Variants in MAT1A observed in about 807,000 individuals in gnomAD.
MAT1A encodes methionine adenosyltransferase 1A, also known as S-adenosylmethionine synthase isoform type-1.
MAT1A carries 19 observed loss-of-function variants against 44.0 expected under a neutral mutation model. The ratio of observed to expected loss-of-function variants is 0.43; its 90% CI spans 0.30 to 0.63. MAT1A has a LOEUF of 0.63. Among genes scored for constraint, MAT1A ranks in the 30% least tolerant of loss-of-function variants. The probability of loss-of-function intolerance (pLI) is 0.12; values close to 1 mark genes in which losing one functional copy is unlikely to be tolerated. For missense variants in MAT1A, 397 were observed against 531.0 expected (o/e 0.75, Z 2.48); for synonymous variants, 205 against 205.6 (o/e 1.00, Z 0.03).
At chr10:80,274,992 A>C (rs1426290880) in intron 7 of MAT1A, 25 bp downstream of exon 7, 3 of 1,549,318 alleles carry the variant, frequency 1.9e-6, no homozygotes, top group Non-Finnish European at 2.6e-6. Flanking sequence ...CTGCAACAGG[A>C]CGGTGGTGGG....
Position 80,280,706 on chromosome 10 carries a change from C to T in MAT1A, c.379G>A (p.Glu127Lys). 1 of 1,614,202 alleles carries T rather than the reference C, an allele frequency of 6.2e-7. No individual in the cohort carries two copies. The highest frequency in any genetic ancestry group is 8.5e-7 in the Non-Finnish European group (1 of 1,180,010). The change falls in exon 4 of 9, where the codon GAG becomes AAG. Residue 127 changes from glutamate (E) to lysine (K), a missense_variant. Transcript: ENST00000372213. Reference sequence around the variant, plus strand: ...TGATCTCCTGCCCCCACATCCTCCTCATTTCTGTCCAGATGGACGCACTGG... The same window carrying T: ...TGATCTCCTGCCCCCACATCCTCCTTATTTCTGTCCAGATGGACGCACTGG... ...IAQCVHLDRN[E>K]EDVGAGDQGL...
At chr10:80,285,941 T>G in intron 1 of MAT1A, among the ~76,000 whole-genome samples, 1 of 151,836 alleles carries the variant, frequency 6.6e-6, no homozygotes, top group South Asian at 2.1e-4. Flanking sequence ...TCCTCCCACC[T>G]CAGCCTCCCA....
intron 6 of MAT1A, 27 bp from the exon 7 acceptor site, chr10:80,275,226 G>C (rs368726859): frequency 1.9e-6 from 3 of 1,599,536 alleles, no homozygotes; most frequent in Non-Finnish European, 1.7e-6. Flanking sequence ...ATCAAGATAA[G>C]AAGCAGAGCC....
intron 1 of MAT1A, among the ~76,000 whole-genome samples, chr10:80,286,655 A>C (rs1841655197): frequency 6.6e-6 from 1 of 152,248 alleles, no homozygotes; most frequent in Non-Finnish European, 1.5e-5. Context: ...TGGTGCTTGT[A>C]GGAAAATCTA....
chr10:80,275,268 T>C, intron 6 of MAT1A, 69 bp from the exon 7 acceptor site: 1 of 1,383,360 alleles, frequency 7.2e-7, no homozygotes. Context: ...GCTGAAGTAC[T>C]GTGATGGCAG....
chr10:80,274,382 T>C, intron 8 of MAT1A, 138 bp downstream of exon 8: 1 of 1,242,290 alleles, frequency 8.0e-7, no homozygotes, highest in Non-Finnish European at 1.2e-6. Context: ...GGATGCACTG[T>C]GCTGTACCAA....
At chr10:80,286,121 G>T (rs1001424347) in intron 1 of MAT1A, among the ~76,000 whole-genome samples, 2 of 152,040 alleles carry the variant, frequency 1.3e-5, no homozygotes, top group East Asian at 3.9e-4. Context: ...TAGCCACTGC[G>T]CCCGGTCAAA....
At chr10:80,276,645 C>A (rs768433696) in intron 5 of MAT1A, 51 bp from the exon 6 acceptor site, 1 of 1,578,884 alleles carries the variant, frequency 6.3e-7, no homozygotes, top group Non-Finnish European at 8.6e-7. Flanking sequence ...GCTGAGCGAA[C>A]GGCACATCGT....
Position 80,273,904 on chromosome 10 carries a change from A to G in MAT1A, c.1086-21T>C, listed in dbSNP as rs756826993. 4.6e-6 allele frequency: 7 copies of G among 1,521,792 alleles called. 1 individual carries two copies. The South Asian group carries it at 6.7e-5, about 15-fold the overall frequency. The allele number at this position is 1,521,792 out of a possible 1,614,324, so 94.3% of individuals were successfully genotyped here. A position where few individuals can be genotyped will look rare whatever the true frequency, so the allele number is the denominator to read the frequency against. ...AATCCCTGCATGTCCAGCAGAAAGG[A>G]AGGGCATTGGAAGATGGAACAGGAG... On this transcript the variant is annotated intron_variant, in intron 8 of 8. Transcript: ENST00000372213.
intron 2 of MAT1A, 102 bp from the exon 3 acceptor site, chr10:80,284,140 G>A: frequency 6.8e-7 from 1 of 1,470,070 alleles, no homozygotes; most frequent in Non-Finnish European, 9.3e-7. Context: ...AGACACAGGA[G>A]GGGCCTTACG....
At chr10:80,285,698 C>G in intron 1 of MAT1A, 109 bp from the exon 2 acceptor site, 4 of 760,180 alleles carry the variant, frequency 5.3e-6, no homozygotes, top group Middle Eastern at 2.3e-4. Flanking sequence ...AACTTATCTA[C>G]CAGAGGGAAA....
chr10:80,285,401 G>T, intron 2 of MAT1A, 111 bp downstream of exon 2: 1 of 854,968 alleles, frequency 1.2e-6, no homozygotes, highest in Non-Finnish European at 2.0e-6. Flanking sequence ...GCAGAGCAGA[G>T]GACATGGATT....
chr10:80,277,278 C>G (rs1298866927), intron 5 of MAT1A, among the ~76,000 whole-genome samples: 1 of 152,168 alleles, frequency 6.6e-6, no homozygotes, highest in African/African-American at 2.4e-5. Flanking sequence ...TGGGACTGCT[C>G]CCATCCCAGG....
chr10:80,287,348 G>A (rs1321217702), intron 1 of MAT1A, among the ~76,000 whole-genome samples: 1 of 152,174 alleles, frequency 6.6e-6, no homozygotes, highest in Non-Finnish European at 1.5e-5. Flanking sequence ...GCTTAAGATA[G>A]CCAATAGTTG....
At chr10:80,277,793 G>C (rs1841511582) in intron 5 of MAT1A, among the ~76,000 whole-genome samples, 1 of 152,190 alleles carries the variant, frequency 6.6e-6, no homozygotes, top group Non-Finnish European at 1.5e-5. Flanking sequence ...CAGAGCAAAG[G>C]GCCCTGAACA....
chr10:80,285,530 T>C lies in MAT1A; in HGVS notation c.151A>G (p.Asn51Asp), dbSNP rs1187145745. The change falls in exon 2 of 9, where the codon AAT (asparagine) becomes GAT (aspartate). Residue 51 changes from asparagine to aspartate, a missense_variant. Transcript: ENST00000372213. ...TTCTTACCACAGGCCACCTTGGCAT[T>C]GGGGTCTTGCTTGAGATGGGCATCC... ...VLDAHLKQDPNAKVACETVCK... is the reference protein window; with the variant it reads ...VLDAHLKQDPDAKVACETVCK... 1 of 1,614,014 alleles carries C rather than the reference T, an allele frequency of 6.2e-7. No individual in the cohort carries two copies. The highest frequency in any genetic ancestry group is 8.5e-7 in the Non-Finnish European group (1 of 1,180,004).
At position 80,283,821 on chromosome 10, in the gene MAT1A, C is replaced by A. The variant is rs1344683903; in HGVS notation, c.292+95G>T. 4 of 1,575,858 alleles carry A rather than the reference C, an allele frequency of 2.5e-6. No individual in the cohort carries two copies. The African/African-American group carries it at 5.4e-5, about 21-fold the overall frequency. ...TGTTTTCCTCCTGGTAGTATTGATG[C>A]TCCCATCGGGCTGAAAGGCACGGGT... On this transcript the variant is annotated intron_variant, in intron 3 of 8. Transcript: ENST00000372213.
At chr10:80,287,356 T>C (rs570581442) in intron 1 of MAT1A, among the ~76,000 whole-genome samples, 1 of 152,374 alleles carries the variant, frequency 6.6e-6, no homozygotes, top group East Asian at 1.9e-4. Context: ...TAGCCAATAG[T>C]TGTTTTTTTG....
rs1841501844 is a variant in MAT1A, at chr10:80,277,231, G to T, written c.550-637C>A. Among the ~76,000 whole-genome samples the T allele has an allele frequency of 2.6e-5, 4 of 152,326 alleles. No homozygotes were observed. In the South Asian group the frequency reaches 8.3e-4, roughly 32 times the overall value. ...GTGGTGCCCGCAGGGGTGCAGCTCTGCCAGATGGCCCTGGGAGGGACACTG... is the reference window on the plus strand; with the variant it reads ...GTGGTGCCCGCAGGGGTGCAGCTCTTCCAGATGGCCCTGGGAGGGACACTG... On this transcript the variant is annotated intron_variant, in intron 5 of 8. Transcript: ENST00000372213.
Sources: allele counts gnomAD v4.1 joint callset (sites outside exome capture counted in the v4.1 genomes callset), GRCh38; gene constraint gnomAD v4.1.1; transcripts MANE v1.5; gene names NCBI Gene and HGNC (gene_info 2026-07-23, HGNC 2026-07-21).